Variants in PLEKHB2 observed in about 807,000 individuals in gnomAD.
PLEKHB2 encodes pleckstrin homology domain containing B2.
Under a neutral mutation model 36.5 loss-of-function variants are expected in PLEKHB2, and 31 were observed. That is an observed-to-expected ratio of 0.85 (90% CI 0.64 to 1.15). PLEKHB2 has a LOEUF of 1.15. Ranked by LOEUF, PLEKHB2 falls within the 50% of genes most tolerant of loss-of-function variation. The pLI, the probability that PLEKHB2 is intolerant of heterozygous loss-of-function variation, is 0.00. For missense variants in PLEKHB2, 262 were observed against 295.3 expected (o/e 0.89, Z 0.83); for synonymous variants, 119 against 112.0 (o/e 1.06, Z -0.39).
At chr2:131,107,157 G>T (rs1012522779) in intron 1 of PLEKHB2, among the ~76,000 whole-genome samples, 10 of 152,138 alleles carry the variant, frequency 6.6e-5, no homozygotes, top group Admixed American at 5.2e-4. Context: ...AGAAATTAAA[G>T]AATTACCTTA....
At chr2:131,109,622 G>A (rs1031472295) in intron 1 of PLEKHB2, among the ~76,000 whole-genome samples, 3 of 152,040 alleles carry the variant, frequency 2.0e-5, no homozygotes, top group East Asian at 3.9e-4. Context: ...CCTGGAAGGC[G>A]ATGGGTGCAG....
chr2:131,121,412 C>T (rs1285819376), intron 2 of PLEKHB2, among the ~76,000 whole-genome samples: 2 of 152,104 alleles, frequency 1.3e-5, no homozygotes, highest in Non-Finnish European at 2.9e-5. Context: ...CCATGCCCGG[C>T]TAATTTTGTA....
At chr2:131,110,155 A>C (rs913923505) in intron 1 of PLEKHB2, among the ~76,000 whole-genome samples, 13 of 152,082 alleles carry the variant, frequency 8.5e-5, no homozygotes, top group African/African-American at 2.9e-4. Context: ...GATATGGTAA[A>C]ATTGCTATTG....
At chr2:131,146,578 C>G in intron 7 of PLEKHB2, 59 bp from the exon 8 acceptor site, 1 of 1,532,040 alleles carries the variant, frequency 6.5e-7, no homozygotes, top group Non-Finnish European at 8.9e-7. Context: ...TGGTACTTTG[C>G]GTGATGTTAA....
intron 1 of PLEKHB2, among the ~76,000 whole-genome samples, chr2:131,116,604 C>G (rs1695907708): frequency 2.0e-5 from 3 of 152,104 alleles, no homozygotes; most frequent in African/African-American, 4.8e-5. Context: ...CCTGAGAACT[C>G]TATCACAAGA....
intron 6 of PLEKHB2, among the ~76,000 whole-genome samples, chr2:131,135,097 G>T (rs529675802): frequency 1.1e-4 from 16 of 151,952 alleles, no homozygotes; most frequent in South Asian, 4.1e-4. Context: ...TTGAGACAGA[G>T]TGTCTCTCTT....
Position 131,125,752 on chromosome 2 carries a change from G to A in PLEKHB2, c.38-1G>A. On this transcript the variant is annotated splice_acceptor_variant, in intron 2 of 7. Transcript: ENST00000693505. LOFTEE classifies it high-confidence loss of function. ...ACAACCGTACTATTTTTTTTTTCCA[G>A]GTACTATTTTGAAGCGCTGGAAGAA... 1 of 1,580,368 alleles carries A rather than the reference G, an allele frequency of 6.3e-7. No individual in the cohort carries two copies. The highest frequency in any genetic ancestry group is 2.2e-5 in the East Asian group (1 of 44,622).
Position 131,140,255 on chromosome 2 carries a change from C to T in PLEKHB2, c.512C>T (p.Pro171Leu), listed in dbSNP as rs1328455676. 1 of 1,603,282 alleles carries T rather than the reference C, an allele frequency of 6.2e-7. No individual in the cohort carries two copies. The highest frequency in any genetic ancestry group is 1.3e-5 in the African/African-American group (1 of 74,788). Residue 171 changes from proline to leucine, a missense_variant, in exon 7 of 8, where the codon CCC becomes CTC. By Grantham distance (98) the Pro-to-Leu change is moderately conservative. Transcript: ENST00000693505. ...YAANGQAYAV[P>L]YQYPYAGLYG... ...GCGAATGGGCAGGCGTATGCCGTGCCCTACCAGTACCCATATGCAGGTAAC... is the reference window on the plus strand; with the variant it reads ...GCGAATGGGCAGGCGTATGCCGTGCTCTACCAGTACCCATATGCAGGTAAC...
At chr2:131,126,024 C>A in intron 3 of PLEKHB2, 119 bp downstream of exon 3, 1 of 994,708 alleles carries the variant, frequency 1.0e-6, no homozygotes, top group Non-Finnish European at 1.5e-6. Context: ...GGCTCCATCT[C>A]AGAGGGGCGA....
intron 6 of PLEKHB2, among the ~76,000 whole-genome samples, chr2:131,133,711 C>A (rs1697949944): frequency 6.6e-6 from 1 of 152,190 alleles, no homozygotes; most frequent in African/African-American, 2.4e-5. Flanking sequence ...GTCATGCCAT[C>A]CCTCTGCTTC....
chr2:131,121,979 A>G (rs548875931), intron 2 of PLEKHB2, among the ~76,000 whole-genome samples: 32 of 151,824 alleles, frequency 2.1e-4, no homozygotes, highest in Admixed American at 2.6e-4. Context: ...GCTCACTGCA[A>G]CCTCCGCCTC....
intron 5 of PLEKHB2, 79 bp downstream of exon 5, chr2:131,130,839 G>GA: frequency 9.8e-7 from 1 of 1,018,288 alleles, no homozygotes; most frequent in Non-Finnish European, 1.5e-6. Flanking sequence ...TGAGTGCAGT[G>GA]GTGCTGTCTC....
intron 5 of PLEKHB2, among the ~76,000 whole-genome samples, chr2:131,131,577 T>C (rs1415588799): frequency 6.6e-6 from 1 of 151,968 alleles, no homozygotes; most frequent in Non-Finnish European, 1.5e-5. Context: ...CTCTCCTTTA[T>C]TAATCTGTAA....
intron 7 of PLEKHB2, among the ~76,000 whole-genome samples, chr2:131,145,562 C>T (rs928462028): frequency 1.3e-5 from 2 of 152,148 alleles, no homozygotes; most frequent in Non-Finnish European, 2.9e-5. Flanking sequence ...CTAAAACTTC[C>T]GGCCTCAAGT....
At chr2:131,127,028 T>G (rs911576154) in intron 4 of PLEKHB2, 1 of 414,490 alleles carries the variant, frequency 2.4e-6, no homozygotes, top group Non-Finnish European at 4.3e-6. Context: ...CTCATCATGC[T>G]GTCTTTCATT....
chr2:131,139,633 C>G (rs1363026741), intron 6 of PLEKHB2, among the ~76,000 whole-genome samples: 1 of 152,180 alleles, frequency 6.6e-6, no homozygotes, highest in Non-Finnish European at 1.5e-5. Flanking sequence ...ATGTTTCTCG[C>G]CATGTCTTTT....
In PLEKHB2 at chr2:131,147,227, G is replaced by A. The variant is rs1323573354; in HGVS notation, c.*454G>A. On this transcript the variant is annotated 3_prime_UTR_variant, in exon 8 of 8. Transcript: ENST00000693505. ...GAACTGGTTGCATGTTACTTTAGGA[G>A]TTGTGGGTTGGTAAGCTCCCAGGTA... 1 of 152,376 alleles carries A rather than the reference G, an allele frequency of 6.6e-6. No individual in the cohort carries two copies. The highest frequency in any genetic ancestry group is 1.5e-5 in the Non-Finnish European group (1 of 68,150). The allele number at this position is 152,376 out of a possible 1,614,324, so 9.4% of individuals were successfully genotyped here. A position where few individuals can be genotyped will look rare whatever the true frequency, so the allele number is the denominator to read the frequency against.
chr2:131,123,474 C>G (rs1014161288), intron 2 of PLEKHB2, among the ~76,000 whole-genome samples: 1 of 152,178 alleles, frequency 6.6e-6, no homozygotes, highest in African/African-American at 2.4e-5. Context: ...GGGCAGAACT[C>G]CCTGACCCAG....
intron 1 of PLEKHB2, among the ~76,000 whole-genome samples, chr2:131,106,668 A>G (rs1442999907): frequency 2.6e-5 from 4 of 152,022 alleles, no homozygotes; most frequent in Middle Eastern, 3.4e-3. Flanking sequence ...TTGGCTGGAT[A>G]TTGATAGGAC....
Sources: allele counts gnomAD v4.1 joint callset (sites outside exome capture counted in the v4.1 genomes callset), GRCh38; gene constraint gnomAD v4.1.1; transcripts MANE v1.5; gene names NCBI Gene and HGNC (gene_info 2026-07-23, HGNC 2026-07-21).